TMEM269: variants seen among roughly 807,000 people sequenced by gnomAD.
TMEM269 encodes transmembrane protein 269.
A neutral mutation model predicts 15.8 loss-of-function variants in TMEM269; 12 were observed. The observed-to-expected ratio is 0.76, with a 90% CI of 0.49 to 1.23. The LOEUF (loss-of-function observed/expected upper bound fraction) is 1.23. Ranked by LOEUF, TMEM269 falls within the 50% of genes most tolerant of loss-of-function variation. TMEM269 has a pLI of 0.00. For missense variants in TMEM269, 211 were observed against 245.4 expected (o/e 0.86, Z 0.94); for synonymous variants, 93 against 99.3 (o/e 0.94, Z 0.38).
chr1:42,793,359 T>A (rs1028232095), intron 3 of TMEM269, among the ~76,000 whole-genome samples: 1 of 152,148 alleles, frequency 6.6e-6, no homozygotes, highest in Non-Finnish European at 1.5e-5. Flanking sequence ...AAGCCTTGCA[T>A]GTTAAGGGAT....
intron 3 of TMEM269, 57 bp from the exon 4 acceptor site, chr1:42,793,544 G>T: frequency 6.7e-7 from 1 of 1,500,360 alleles, no homozygotes; most frequent in Non-Finnish European, 8.9e-7. Context: ...CTAGATGGGG[G>T]CTAAGGTGCA....
At chr1:42,789,312 C>A in intron 1 of TMEM269, 2 of 784,146 alleles carry the variant, frequency 2.6e-6, no homozygotes, top group Non-Finnish European at 4.2e-6. Flanking sequence ...GACCTTGAGG[C>A]ACCTCAGCTG....
chr1:42,790,394 C>T (rs929556599), intron 2 of TMEM269, among the ~76,000 whole-genome samples: 1 of 151,842 alleles, frequency 6.6e-6, no homozygotes, highest in Non-Finnish European at 1.5e-5. Flanking sequence ...CGGGTAACAT[C>T]TCCTAATCTA....
In TMEM269 at chr1:42,792,800, T is replaced by A; in HGVS notation, c.42-5T>A. 1 of 1,549,700 alleles carries A rather than the reference T, an allele frequency of 6.5e-7. No individual in the cohort carries two copies. The highest frequency in any genetic ancestry group is 1.2e-5 in the South Asian group (1 of 84,046). On this transcript the variant is annotated splice_region_variant and splice_polypyrimidine_tract_variant and intron_variant, in intron 2 of 5. Transcript: ENST00000637012. ...CCTGTTTGGGCTTGCTGGCCTGCAC[T>A]TTAGGAAATGCCACTATGCCTCCCG...
chr1:42,785,677 C>T (rs1653527908), intron 1 of TMEM269, among the ~76,000 whole-genome samples: 1 of 152,248 alleles, frequency 6.6e-6, no homozygotes, highest in Admixed American at 6.5e-5. Context: ...CCCCTGCAGC[C>T]TACCTGCCAG....
chr1:42,793,999 A>T (rs1218273380), intron 4 of TMEM269, among the ~76,000 whole-genome samples: 2 of 152,162 alleles, frequency 1.3e-5, no homozygotes, highest in African/African-American at 4.8e-5. Context: ...TGACCTTTGG[A>T]TGGAGCACAT....
chr1:42,790,016 G>C (rs991557612), intron 2 of TMEM269, 82 bp downstream of exon 2: 17 of 1,048,634 alleles, frequency 1.6e-5, no homozygotes, highest in Non-Finnish European at 2.4e-5. Flanking sequence ...TTGGAGAGCA[G>C]GCACTGAGGC....
intron 1 of TMEM269, among the ~76,000 whole-genome samples, chr1:42,786,514 G>A (rs1160092750): frequency 6.6e-6 from 1 of 152,226 alleles, no homozygotes; most frequent in Non-Finnish European, 1.5e-5. Context: ...TGGGAGAGCT[G>A]AGCAGAGCTG....
rs1368555883 is a variant in TMEM269, at chr1:42,797,911, T to C, written c.485-187T>C. The C allele has an allele frequency of 1.4e-6, 1 of 710,544 alleles. No homozygotes were observed. Among genetic ancestry groups the C allele is most frequent in the Non-Finnish European group, 2.6e-6 (1 of 385,648 alleles). 44.0% of individuals were successfully genotyped at this position (710,544 alleles called of 1,614,324 possible). A position where few individuals can be genotyped will look rare whatever the true frequency, so the allele number is the denominator to read the frequency against. On this transcript the variant is annotated intron_variant, in intron 5 of 5. Transcript: ENST00000637012. This position sits in a 1 kb window ranked among gnomAD's most constrained non-coding sequence, Gnocchi z 4.9. Reference sequence around the variant, plus strand: ...ACCTGAGACTGCATTGGGCTATACTTCTCTAGTTACTTACCTATCTCTATT... The same window carrying C: ...ACCTGAGACTGCATTGGGCTATACTCCTCTAGTTACTTACCTATCTCTATT...
At position 42,793,392 on chromosome 1, in the gene TMEM269, G is replaced by A. The variant is rs55934522; in HGVS notation, c.140-209G>A. ...GATGGGAAGACTAAGATCTGAGGGG[G>A]AGATACTTGCCCAAGGCCACCGGCC... On this transcript the variant is annotated intron_variant, in intron 3 of 5. Coordinates refer to ENST00000637012, the MANE Select transcript of TMEM269 (RefSeq NM_001354602.2). Among the ~76,000 whole-genome samples, 1,189 of 152,298 alleles carry A rather than the reference G, an allele frequency of 7.8e-3. 19 individuals are homozygous for A. The highest frequency in any genetic ancestry group is 0.028 in the African/African-American group (1,147 of 41,554).
In TMEM269 at chr1:42,792,106, AAATCAGT is replaced by A. The variant is rs1301941427; in HGVS notation, c.42-696_42-690del. 2.6e-5 allele frequency among the ~76,000 whole-genome samples: 4 copies of A among 152,226 alleles called. No homozygotes were observed. The East Asian group carries it at 7.7e-4, about 29-fold the overall frequency. ...AGCTGATTCTTTGAGAAGATCAATA[AAATCAGT>A]AAACCTCTAGCCAGGCTAACCAAGT... On this transcript the variant is annotated intron_variant, in intron 2 of 5. Coordinates refer to ENST00000637012, the MANE Select transcript of TMEM269 (RefSeq NM_001354602.2).
chr1:42,797,794 G>A lies in TMEM269; in HGVS notation c.485-304G>A. On this transcript the variant is annotated intron_variant, in intron 5 of 5. Coordinates refer to ENST00000637012, the MANE Select transcript of TMEM269 (RefSeq NM_001354602.2). The surrounding 1 kb of genome is among the most constrained non-coding windows in gnomAD (Gnocchi z 4.9). ...TTTTTTTTTCCTAACAAGGGTTTTT[G>A]GTTTTTGTCTTGGTTTGTTTTGTTT... 1 of 537,766 alleles carries A rather than the reference G, an allele frequency of 1.9e-6. No homozygotes were observed. Among genetic ancestry groups the A allele is most frequent in the Non-Finnish European group, 3.7e-6 (1 of 272,462 alleles). The allele number at this position is 537,766 out of a possible 1,614,324, so 33.3% of individuals were successfully genotyped here.
At chr1:42,791,279 C>T (rs960888873) in intron 2 of TMEM269, among the ~76,000 whole-genome samples, 20 of 152,160 alleles carry the variant, frequency 1.3e-4, no homozygotes, top group African/African-American at 4.6e-4. Flanking sequence ...TTCATCCAAC[C>T]ATGCAGAGTA....
chr1:42,792,933 G>T (rs1392882767), intron 3 of TMEM269, 31 bp downstream of exon 3: 2 of 1,504,128 alleles, frequency 1.3e-6, no homozygotes, highest in Non-Finnish European at 1.8e-6. Flanking sequence ...CCTAATCCTT[G>T]CCCCCAGTAG....
chr1:42,789,230 C>G (rs954323327), intron 1 of TMEM269: 1 of 577,140 alleles, frequency 1.7e-6, no homozygotes, highest in African/African-American at 1.9e-5. Flanking sequence ...GCTACACATT[C>G]AGTTTTAATC....
intron 3 of TMEM269, 145 bp downstream of exon 3, chr1:42,793,047 C>T: frequency 4.3e-6 from 3 of 696,542 alleles, no homozygotes; most frequent in Non-Finnish European, 7.5e-6. Flanking sequence ...GCAGCAGCAG[C>T]CCTGGAGCAG....
Position 42,799,722 on chromosome 1 carries a change from A to G in TMEM269, c.*1497A>G, listed in dbSNP as rs1294701358. 1 of 152,232 alleles carries G rather than the reference A, an allele frequency of 6.6e-6. No homozygotes were observed. Among genetic ancestry groups the G allele is most frequent in the Non-Finnish European group, 1.5e-5 (1 of 68,048 alleles). The allele number at this position is 152,232 out of a possible 1,614,324, so 9.4% of individuals were successfully genotyped here. A position where few individuals can be genotyped will look rare whatever the true frequency, so the allele number is the denominator to read the frequency against. ...TGTGGTAAGAATTTTACAAATATACACGAGCTTAGACATTTCAATACAATG... is the reference window on the plus strand; with the variant it reads ...TGTGGTAAGAATTTTACAAATATACGCGAGCTTAGACATTTCAATACAATG... On this transcript the variant is annotated 3_prime_UTR_variant, in exon 6 of 6. Coordinates refer to ENST00000637012, the MANE Select transcript of TMEM269 (RefSeq NM_001354602.2).
intron 2 of TMEM269, among the ~76,000 whole-genome samples, chr1:42,790,975 T>G (rs974959001): frequency 1.3e-5 from 2 of 152,142 alleles, no homozygotes; most frequent in African/African-American, 4.8e-5. Flanking sequence ...GCAGGTTTGC[T>G]TGGAGCTGTG....
rs551051221 is a variant in TMEM269, at chr1:42,788,472, G to A, written c.-98-1324G>A. Among the ~76,000 whole-genome samples, 1 of 152,130 alleles carries A rather than the reference G, an allele frequency of 6.6e-6. No individual in the cohort carries two copies. Among genetic ancestry groups the A allele is most frequent in the Non-Finnish European group, 1.5e-5 (1 of 68,022 alleles). ...GTTTCTCAAGCAGATTGAGTGTAAG[G>A]TGTACAAATGTGGTCTTAGAGTAAA... is the stretch of plus-strand genomic sequence containing the variant. On this transcript the variant is annotated intron_variant, in intron 1 of 5. Transcript: ENST00000637012. The surrounding 1 kb of genome is among the most constrained non-coding windows in gnomAD (Gnocchi z 4.0).
Sources: allele counts gnomAD v4.1 joint callset (sites outside exome capture counted in the v4.1 genomes callset), GRCh38; gene constraint gnomAD v4.1.1; non-coding constraint Gnocchi (gnomAD v3.1); transcripts MANE v1.5; gene names NCBI Gene and HGNC (gene_info 2026-07-23, HGNC 2026-07-21).